CCDC102B: variants seen among roughly 807,000 people sequenced by gnomAD.
CCDC102B encodes the protein coiled-coil domain containing 102B.
A neutral mutation model predicts 57.4 loss-of-function variants in CCDC102B; 75 were observed. That is an observed-to-expected ratio of 1.31 (90% confidence interval 1.08 to 1.58). CCDC102B has a LOEUF of 1.58. Ranked by LOEUF, CCDC102B falls within the 40% of genes most tolerant of loss-of-function variation. CCDC102B has a pLI of 0.00. For synonymous variants in CCDC102B, 206 were observed against 201.9 expected, an observed-to-expected ratio of 1.02 and a Z score of -0.17; for missense variants, 636 against 582.6, an observed-to-expected ratio of 1.09 and a Z score of -0.94.
At chr18:68,870,193 CAG>C (rs1288584303) in intron 4 of CCDC102B, among the ~76,000 whole-genome samples, 1 of 151,898 alleles carries the variant, frequency 6.6e-6, no homozygotes, top group Non-Finnish European at 1.5e-5. Flanking sequence ...CGGAGCCTGT[CAG>C]GGGGTGGGTG....
chr18:69,003,168 A>C (rs1327624002), intron 6 of CCDC102B, among the ~76,000 whole-genome samples: 1 of 152,226 alleles, frequency 6.6e-6, no homozygotes, highest in Non-Finnish European at 1.5e-5. Flanking sequence ...AATAAATAGC[A>C]GTTGTCAAAT....
intron 7 of CCDC102B, among the ~76,000 whole-genome samples, chr18:69,049,380 T>C (rs2052648001): frequency 6.6e-6 from 1 of 152,180 alleles, no homozygotes. Flanking sequence ...TCATCCTTTT[T>C]TTTTCTTAAC....
At chr18:68,743,598 C>T (rs1335278987) in intron 2 of CCDC102B, among the ~76,000 whole-genome samples, 3 of 152,208 alleles carry the variant, frequency 2.0e-5, no homozygotes, top group Non-Finnish European at 4.4e-5. Flanking sequence ...GTCTCTTTCT[C>T]TAAATGGACC....
At chr18:68,847,199 G>T (rs1181322764) in intron 4 of CCDC102B, among the ~76,000 whole-genome samples, 1 of 131,288 alleles carries the variant, frequency 7.6e-6, no homozygotes, top group Non-Finnish European at 1.7e-5. Flanking sequence ...GTATACGTCT[G>T]TGCACAAACA....
chr18:68,854,389 C>T (rs1219270622), intron 4 of CCDC102B, among the ~76,000 whole-genome samples: 3 of 152,058 alleles, frequency 2.0e-5, no homozygotes, highest in African/African-American at 7.2e-5. Context: ...CGTGAGCCAC[C>T]GTGCCCGGCA....
chr18:68,820,301 G>A (rs1004856836), intron 1 of CCDC102B, among the ~76,000 whole-genome samples: 6 of 152,094 alleles, frequency 3.9e-5, no homozygotes, highest in Non-Finnish European at 8.8e-5. Context: ...TTTTATTCAT[G>A]TATTGGGGTG....
intron 6 of CCDC102B, among the ~76,000 whole-genome samples, chr18:68,910,781 C>G (rs1168364572): frequency 6.6e-6 from 1 of 152,188 alleles, no homozygotes; most frequent in Non-Finnish European, 1.5e-5. Context: ...TTGACTTCCT[C>G]TGAAATCTTT....
chr18:68,764,769 G>A (rs1215060214), intron 2 of CCDC102B, among the ~76,000 whole-genome samples: 1 of 151,772 alleles, frequency 6.6e-6, no homozygotes, highest in Non-Finnish European at 1.5e-5. Context: ...AATTTATTTG[G>A]CAAGTGACAT....
intron 5 of CCDC102B, among the ~76,000 whole-genome samples, chr18:68,886,488 G>A (rs1180210069): frequency 1.3e-5 from 2 of 152,050 alleles, no homozygotes; most frequent in African/African-American, 4.8e-5. Flanking sequence ...ATGTTAACAT[G>A]GAAGAAATCT....
intron 6 of CCDC102B, among the ~76,000 whole-genome samples, chr18:68,979,684 G>A (rs947083619): frequency 1.3e-5 from 2 of 152,004 alleles, no homozygotes; most frequent in African/African-American, 4.8e-5. Context: ...CAATGTCTAA[G>A]ACATTTGCAA....
intron 1 of CCDC102B, among the ~76,000 whole-genome samples, chr18:68,812,073 A>G (rs755277736): frequency 5.7e-4 from 87 of 152,214 alleles, no homozygotes; most frequent in Non-Finnish European, 9.6e-4. Flanking sequence ...TTACCATTAC[A>G]AATCAGTGCC....
intron 6 of CCDC102B, among the ~76,000 whole-genome samples, chr18:68,949,879 G>A (rs551982111): frequency 1.6e-4 from 25 of 152,148 alleles, no homozygotes; most frequent in African/African-American, 6.0e-4. Flanking sequence ...TAAAAAATTG[G>A]ATAACTATAC....
chr18:68,719,363 T>TC, intron 2 of CCDC102B, among the ~76,000 whole-genome samples: 1 of 152,170 alleles, frequency 6.6e-6, no homozygotes, highest in East Asian at 1.9e-4. Context: ...AGAAAGCCAC[T>TC]CCAAGTGTTT....
At chr18:68,998,997 TATAGAGAGAGAGAGAGAGAGAG>T (rs1176880075) in intron 6 of CCDC102B, among the ~76,000 whole-genome samples, 1 of 30,552 alleles carries the variant, frequency 3.3e-5, no homozygotes, top group Non-Finnish European at 7.8e-5. Context: ...TATATATATA[TATAGAGAGAGAGAGAGAGAGAG>T]AGAGAGAGAG....
chr18:68,738,993 C>CTTTTTTTTTTTTTTTTTTT (rs201214278), intron 2 of CCDC102B, among the ~76,000 whole-genome samples: 23 of 145,012 alleles, frequency 1.6e-4, no homozygotes, highest in South Asian at 4.5e-4. Context: ...GATGAGCAGC[C>CTTTTTTTTTTTTTTTTTTT]TTTTGTTTTT....
chr18:68,919,788 G>A (rs1054763408), intron 6 of CCDC102B, among the ~76,000 whole-genome samples: 4 of 152,100 alleles, frequency 2.6e-5, no homozygotes, highest in Non-Finnish European at 5.9e-5. Context: ...AGTTTATGTA[G>A]ATCTCTATTC....
chr18:68,861,332 C>A (rs1599588760), intron 4 of CCDC102B, among the ~76,000 whole-genome samples: 2 of 149,904 alleles, frequency 1.3e-5, no homozygotes, highest in Middle Eastern at 6.9e-3. Flanking sequence ...TCATATTTTT[C>A]TATTAATTTG....
chr18:68,919,010 CAT>C (rs1365674730), intron 6 of CCDC102B, among the ~76,000 whole-genome samples: 6 of 152,012 alleles, frequency 3.9e-5, no homozygotes, highest in African/African-American at 1.4e-4. Context: ...TCTATGTGCA[CAT>C]GTGTTAAGAC....
intron 5 of CCDC102B, among the ~76,000 whole-genome samples, chr18:68,893,545 G>A (rs1190266667): frequency 6.6e-6 from 1 of 152,012 alleles, no homozygotes; most frequent in Non-Finnish European, 1.5e-5. Flanking sequence ...GCTTTTTCCT[G>A]GAGACTGTCA....
Sources: allele counts gnomAD v4.1 joint callset (sites outside exome capture counted in the v4.1 genomes callset), GRCh38; gene constraint gnomAD v4.1.1; transcripts MANE v1.5; gene names NCBI Gene and HGNC (gene_info 2026-07-23, HGNC 2026-07-21).